Variants in USP45 observed in about 807,000 individuals in gnomAD.
USP45 encodes the protein ubiquitin carboxyl-terminal hydrolase 45.
In USP45, 89 loss-of-function variants were observed where a neutral mutation model predicts 95.8. That is an observed-to-expected ratio of 0.93 (90% confidence interval 0.78 to 1.11). The LOEUF is 1.11. Ranked by LOEUF, USP45 falls within the 50% of genes least tolerant of loss-of-function variation. The pLI is 0.00. For missense variants in USP45, 898 were observed against 942.5 expected, an observed-to-expected ratio of 0.95 and a Z score of 0.62; for synonymous variants, 281 against 316.2, an observed-to-expected ratio of 0.89 and a Z score of 1.18.
intron 7 of USP45, among the ~76,000 whole-genome samples, chr6:99,485,096 G>C (rs374448445): frequency 5.3e-5 from 8 of 150,888 alleles, no homozygotes; most frequent in Non-Finnish European, 1.0e-4. Context: ...TTGGGAGGCC[G>C]AGGCAGGTGG....
At chr6:99,437,218 A>G (rs1780656161) in intron 17 of USP45, 28 bp downstream of exon 17, 1 of 1,583,324 alleles carries the variant, frequency 6.3e-7, no homozygotes, top group Non-Finnish European at 8.6e-7. Flanking sequence ...TTTGTTTTTA[A>G]GAATAAAATA....
Position 99,503,864 on chromosome 6 carries a change from A to T in USP45, c.379T>A (p.Cys127Ser). The T allele has an allele frequency of 6.4e-7, 1 of 1,554,306 alleles. No individual in the cohort carries two copies. Among genetic ancestry groups the T allele is most frequent in the Non-Finnish European group, 8.7e-7 (1 of 1,149,774 alleles). Residue 127 changes from cysteine to serine, a missense_variant and splice_region_variant, in exon 5 of 18, where the codon TGT (cysteine) becomes AGT (serine). Physicochemically the swap from Cys to Ser is moderately radical, Grantham distance 112 (BLOSUM62 -1). Coordinates refer to ENST00000500704, the MANE Select transcript of USP45 (RefSeq NM_001346022.3). ...IINLSTWIIW[C>S]YECDEKLSTH... Reference sequence around the variant, plus strand: ...GATAATTTTTCATCACATTCATAACACCTGAAAAAGTATAAAATTTAAGAA... The same window carrying T: ...GATAATTTTTCATCACATTCATAACTCCTGAAAAAGTATAAAATTTAAGAA...
intron 13 of USP45, among the ~76,000 whole-genome samples, chr6:99,460,065 T>C (rs572927016): frequency 6.6e-6 from 1 of 152,354 alleles, no homozygotes; most frequent in Non-Finnish European, 1.5e-5. Flanking sequence ...ATCTGTTGCC[T>C]TTCCACCAGT....
chr6:99,435,134 A>C lies in USP45; in HGVS notation c.*582T>G, dbSNP rs749519058. The stretch of plus-strand genomic sequence containing the variant: ...TTATAGCAGTTTCCTAAATGGTAGT[A>C]CACATATATACCACTAGATGGCCCT... On this transcript the variant is annotated 3_prime_UTR_variant, in exon 18 of 18. Coordinates refer to ENST00000500704, the MANE Select transcript of USP45 (RefSeq NM_001346022.3). 3 of 152,566 alleles carry C rather than the reference A, an allele frequency of 2.0e-5. No homozygotes were observed. Among genetic ancestry groups the C allele is most frequent in the Non-Finnish European group, 4.4e-5 (3 of 68,014 alleles). The allele number at this position is 152,566 out of a possible 1,614,324, so 9.5% of individuals were successfully genotyped here.
intron 13 of USP45, among the ~76,000 whole-genome samples, chr6:99,448,739 T>C (rs990669697): frequency 2.0e-5 from 3 of 151,922 alleles, no homozygotes; most frequent in Non-Finnish European, 4.4e-5. Flanking sequence ...TTCACCAAAG[T>C]TGAAATGAAG....
chr6:99,444,588 T>C (rs1782129281), intron 14 of USP45, among the ~76,000 whole-genome samples: 1 of 152,082 alleles, frequency 6.6e-6, no homozygotes, highest in Non-Finnish European at 1.5e-5. Context: ...ACTGGGCTCT[T>C]ACACTCTGGG....
intron 5 of USP45, among the ~76,000 whole-genome samples, chr6:99,496,405 T>A (rs539399414): frequency 5.7e-4 from 83 of 146,750 alleles, no homozygotes; most frequent in African/African-American, 2.0e-3. Flanking sequence ...CTTTCTTATT[T>A]AAAAAAAAAA....
chr6:99,478,232 T>G (rs909777571), intron 8 of USP45, among the ~76,000 whole-genome samples: 23 of 150,086 alleles, frequency 1.5e-4, no homozygotes, highest in Admixed American at 5.3e-4. Flanking sequence ...TTTTTTTTTT[T>G]TTTTTTTTTT....
chr6:99,453,239 G>A (rs971745655), intron 13 of USP45, among the ~76,000 whole-genome samples: 33 of 149,274 alleles, frequency 2.2e-4, no homozygotes, highest in Admixed American at 2.7e-4. Context: ...CTTCACAGAC[G>A]ACATAATCTT....
At chr6:99,443,325 A>G (rs1342282112) in intron 15 of USP45, among the ~76,000 whole-genome samples, 1 of 152,154 alleles carries the variant, frequency 6.6e-6, no homozygotes, top group Non-Finnish European at 1.5e-5. Flanking sequence ...TTACCACACA[A>G]ACACACACAG....
intron 13 of USP45, chr6:99,461,351 C>T: frequency 1.0e-6 from 1 of 985,258 alleles, no homozygotes; most frequent in African/African-American, 1.7e-5. Context: ...CTTTTGGTAG[C>T]CATTTGTTGC....
chr6:99,470,093 CAG>C (rs1182377913), intron 9 of USP45, among the ~76,000 whole-genome samples: 1 of 151,020 alleles, frequency 6.6e-6, no homozygotes, highest in Non-Finnish European at 1.5e-5. Context: ...GGAGGAATTC[CAG>C]AGTGACACCT....
At chr6:99,437,544 G>T in intron 16 of USP45, 145 bp from the exon 17 acceptor site, 1 of 849,822 alleles carries the variant, frequency 1.2e-6, no homozygotes, top group Non-Finnish European at 1.7e-6. Context: ...CTGGCAAAAT[G>T]GAAAAACCTT....
At chr6:99,502,873 C>T (rs1436931654) in intron 5 of USP45, among the ~76,000 whole-genome samples, 1 of 152,168 alleles carries the variant, frequency 6.6e-6, no homozygotes, top group Non-Finnish European at 1.5e-5. Context: ...TGCCTGCTTC[C>T]CCTTCACCTT....
rs747234532 is a variant in USP45 at position 99,437,346 on chromosome 6, A to G, written c.2214T>C (p.His738=). 1.9e-6 allele frequency: 3 copies of G among 1,613,944 alleles called. No individual in the cohort carries two copies. The highest frequency in any genetic ancestry group is 1.3e-5 in the African/African-American group (1 of 75,024). ...AGTGGCCTTCTCTCATCGAGCCACT[A>G]TGTTCCACTATGCCATAGAGACCGT... ...VLYGLYGIVE[H]SGSMREGHYT... Residue 738 remains histidine (H), a synonymous_variant, in exon 17 of 18, where the codon CAT becomes CAC. Transcript: ENST00000500704.
intron 13 of USP45, among the ~76,000 whole-genome samples, chr6:99,450,296 TAAA>T (rs1783563435): frequency 6.6e-6 from 1 of 150,400 alleles, no homozygotes; most frequent in Non-Finnish European, 1.5e-5. Flanking sequence ...GCAAGACAAA[TAAA>T]GAAGAAAAGA....
chr6:99,440,959 T>A (rs1328183189), intron 15 of USP45, among the ~76,000 whole-genome samples: 1 of 152,204 alleles, frequency 6.6e-6, no homozygotes, highest in African/African-American at 2.4e-5. Flanking sequence ...GTGAAGGACT[T>A]TAATATAAGA....
rs556194225 is a variant in USP45 at position 99,508,847 on chromosome 6, C to T, written c.101-65G>A. ...ACACCAAAGTGCTACCATTACTGAGCAAACCTCAAAAGTATTAAATGCTGT... is the reference window on the plus strand; with the variant it reads ...ACACCAAAGTGCTACCATTACTGAGTAAACCTCAAAAGTATTAAATGCTGT... On this transcript the variant is annotated intron_variant, in intron 2 of 17. Coordinates refer to ENST00000500704, the MANE Select transcript of USP45 (RefSeq NM_001346022.3). 5.6e-6 allele frequency: 8 copies of T among 1,421,488 alleles called. No individual in the cohort carries two copies. The Admixed American group carries it at 7.4e-5, about 13-fold the overall frequency. 88.1% of individuals were successfully genotyped at this position (1,421,488 alleles called of 1,614,324 possible).
At chr6:99,516,362 C>G (rs997394409), upstream of USP45, among the ~76,000 whole-genome samples, 4 of 152,186 alleles carry the variant, frequency 2.6e-5, no homozygotes, top group Non-Finnish European at 5.9e-5. Context: ...CTAAAAGTCT[C>G]CTGATCTTTC....
Sources: gnomAD v4.1 joint callset for allele counts (sites outside exome capture counted in the v4.1 genomes callset) on GRCh38, gnomAD v4.1.1 for gene constraint, MANE v1.5 for transcripts, NCBI Gene and HGNC (gene_info 2026-07-23, HGNC 2026-07-21) for gene names.